Variants in MBD2 observed in about 807,000 individuals in gnomAD.
The protein encoded by MBD2 is methyl-CpG-binding domain protein 2.
Under a neutral mutation model 39.3 loss-of-function variants are expected in MBD2, and 9 were observed. The observed-to-expected ratio is 0.23, with a 90% CI of 0.14 to 0.40. The LOEUF (loss-of-function observed/expected upper bound fraction) is 0.40. MBD2 is among the 10% of genes least tolerant of loss of function. The probability of loss-of-function intolerance (pLI) is 1.00; values close to 1 mark genes in which losing one functional copy is unlikely to be tolerated. For synonymous variants in MBD2, 233 were observed against 211.1 expected, an observed-to-expected ratio of 1.10 and a Z score of -0.90; for missense variants, 458 against 532.6, an observed-to-expected ratio of 0.86 and a Z score of 1.38.
intron 3 of MBD2, among the ~76,000 whole-genome samples, chr18:54,179,972 T>C (rs1272142988): frequency 8.5e-6 from 1 of 117,944 alleles, no homozygotes; most frequent in Non-Finnish European, 1.8e-5. Context: ...ACAGATGACA[T>C]GTTTATTCAC....
intron 2 of MBD2, among the ~76,000 whole-genome samples, chr18:54,197,627 G>A (rs1006518720): frequency 1.3e-5 from 2 of 152,074 alleles, no homozygotes; most frequent in Admixed American, 6.6e-5. Context: ...TCACCCTTTA[G>A]TACTCTTTTT....
intron 1 of MBD2, among the ~76,000 whole-genome samples, chr18:54,220,522 C>T (rs1353650554): frequency 1.3e-5 from 2 of 152,230 alleles, no homozygotes; most frequent in South Asian, 2.1e-4. Context: ...GTGCCTGCCA[C>T]ACCCTACATT....
At chr18:54,217,761 A>G (rs1003265701) in intron 1 of MBD2, among the ~76,000 whole-genome samples, 1 of 152,212 alleles carries the variant, frequency 6.6e-6, no homozygotes, top group African/African-American at 2.4e-5. Flanking sequence ...GTTGGAGATT[A>G]TTTTTAGAAT....
At chr18:54,155,758 C>T (rs929722616) in intron 6 of MBD2, among the ~76,000 whole-genome samples, 4 of 152,280 alleles carry the variant, frequency 2.6e-5, no homozygotes, top group African/African-American at 9.6e-5. Context: ...TTACAGATGA[C>T]ACGTATGCAT....
At chr18:54,210,993 T>C (rs1177544797) in intron 1 of MBD2, among the ~76,000 whole-genome samples, 7 of 143,864 alleles carry the variant, frequency 4.9e-5, no homozygotes, top group African/African-American at 1.8e-4. Flanking sequence ...TGCCTCAGCC[T>C]CCCAAGTAGC....
chr18:54,208,044 C>T lies in MBD2; in HGVS notation c.543-2887G>A, dbSNP rs1256110607. 2.6e-5 allele frequency among the ~76,000 whole-genome samples: 4 copies of T among 151,440 alleles called. No individual in the cohort carries two copies. The East Asian group carries it at 7.8e-4, about 30-fold the overall frequency. On this transcript the variant is annotated intron_variant, in intron 1 of 6. Transcript: ENST00000256429. ...CAGATCGAGAGTCTGTCTCAAAAAA[C>T]AACAACAAAAAACAACAACAACAAC...
intron 3 of MBD2, among the ~76,000 whole-genome samples, 196 bp from the exon 4 acceptor site, chr18:54,166,362 CA>C: frequency 6.6e-6 from 1 of 152,172 alleles, no homozygotes; most frequent in South Asian, 2.1e-4. Context: ...TGGCATTGCT[CA>C]AAAAAGGTTG....
intron 2 of MBD2, among the ~76,000 whole-genome samples, chr18:54,195,421 C>T (rs1168446846): frequency 6.6e-6 from 1 of 151,944 alleles, no homozygotes; most frequent in Non-Finnish European, 1.5e-5. Flanking sequence ...ACTGACAATT[C>T]CAAGTATTAT....
At chr18:54,190,559 T>C (rs2086313700) in intron 2 of MBD2, among the ~76,000 whole-genome samples, 1 of 152,248 alleles carries the variant, frequency 6.6e-6, no homozygotes, top group South Asian at 2.1e-4. Context: ...TATTAATCTT[T>C]CTTAAATGTG....
At chr18:54,172,088 C>T (rs2219626) in intron 3 of MBD2, among the ~76,000 whole-genome samples, 1 of 152,138 alleles carries the variant, frequency 6.6e-6, no homozygotes, top group Non-Finnish European at 1.5e-5. Flanking sequence ...CATTTAACTC[C>T]TAAGTAATAG....
intron 1 of MBD2, among the ~76,000 whole-genome samples, chr18:54,214,164 T>C (rs899066332): frequency 5.3e-5 from 8 of 151,520 alleles, no homozygotes; most frequent in Non-Finnish European, 7.4e-5. Context: ...ACTATACATA[T>C]ATATATATTT....
rs56174434 is a variant in MBD2, at chr18:54,168,572, CATATATAT to C, written c.841-2414_841-2407del. On this transcript the variant is annotated intron_variant, in intron 3 of 6. Coordinates refer to ENST00000256429, the MANE Select transcript of MBD2 (RefSeq NM_003927.5). The stretch of plus-strand genomic sequence containing the variant: ...TTGTTATGCCATGAAAATGGAGATA[CATATATAT>C]ATATATATATATATATATTTATGTA... Among the ~76,000 whole-genome samples, 111 of 114,892 alleles carry C rather than the reference CATATATAT, an allele frequency of 9.7e-4. 4 individuals carry two copies. The highest frequency in any genetic ancestry group is 1.5e-3 in the Non-Finnish European group (87 of 56,260). The allele number at this position is 114,892 out of a possible 152,430, so 75.4% of individuals were successfully genotyped here.
chr18:54,223,226 G>C (rs1390039842), intron 1 of MBD2, among the ~76,000 whole-genome samples: 2 of 152,220 alleles, frequency 1.3e-5, no homozygotes, highest in Non-Finnish European at 2.9e-5. Context: ...GGGATTGCAA[G>C]ATTACACTAA....
chr18:54,203,228 G>T, intron 2 of MBD2: 1 of 1,207,974 alleles, frequency 8.3e-7, no homozygotes, highest in Non-Finnish European at 1.1e-6. Context: ...TCTGGTAACA[G>T]TACAGTAATC....
chr18:54,188,199 G>A (rs1205479852), intron 3 of MBD2, among the ~76,000 whole-genome samples: 2 of 152,104 alleles, frequency 1.3e-5, no homozygotes, highest in Non-Finnish European at 2.9e-5. Flanking sequence ...CCACAATTAG[G>A]GAGTGAATAA....
Position 54,224,280 on chromosome 18 carries a change from G to A in MBD2, c.280C>T (p.Arg94Cys), listed in dbSNP as rs997172337. The change falls in exon 1 of 7, where the codon CGC (arginine) becomes TGC (cysteine). Residue 94 changes from arginine to cysteine, a missense_variant. Arg to Cys is a radical substitution (Grantham distance 180). Transcript: ENST00000256429. Reference sequence around the variant, plus strand: ...CTGCCGCCACTCGGGGGACGGCCGCGGCCCCGGCCCCGGCCCCGTCCCCGT... The same window carrying A: ...CTGCCGCCACTCGGGGGACGGCCGCAGCCCCGGCCCCGGCCCCGTCCCCGT... ...RGRGRGRGRG[R>C]GRPPSGGSGL... 4.5e-5 allele frequency: 42 copies of A among 929,224 alleles called. No individual in the cohort carries two copies. Among genetic ancestry groups the A allele is most frequent in the Non-Finnish European group, 4.9e-5 (38 of 782,268 alleles). 57.6% of individuals were successfully genotyped at this position (929,224 alleles called of 1,614,324 possible).
chr18:54,164,085 T>C (rs1366923747), intron 5 of MBD2, among the ~76,000 whole-genome samples: 1 of 151,998 alleles, frequency 6.6e-6, no homozygotes, highest in African/African-American at 2.4e-5. Flanking sequence ...GGGGTCTCAC[T>C]GTGTTGCCCA....
In MBD2 at chr18:54,224,278, G is replaced by GCGGCGC; in HGVS notation, c.281_282insGCGCCG (p.Arg94_Gly95insArgArg). 1.1e-6 allele frequency: 1 copy of GCGGCGC among 942,260 alleles called. No homozygotes were observed. Among genetic ancestry groups the GCGGCGC allele is most frequent in the African/African-American group, 1.8e-5 (1 of 55,054 alleles). 58.4% of individuals were successfully genotyped at this position (942,260 alleles called of 1,614,324 possible). A position where few individuals can be genotyped will look rare whatever the true frequency, so the allele number is the denominator to read the frequency against. ...CGCTGCCGCCACTCGGGGGACGGCC[G>GCGGCGC]CGGCCCCGGCCCCGGCCCCGTCCCC... On this transcript the variant is annotated inframe_insertion, in exon 1 of 7. Transcript: ENST00000256429.
Position 54,224,170 on chromosome 18 carries a change from C to T in MBD2, c.390G>A (p.Pro130=), listed in dbSNP as rs1407615954. The part of the protein sequence containing the change: ...GAPRREPVPF[P]SGSAGPGPRG... Reference sequence around the variant, plus strand: ...TGGGCCCCGGCCCCGCGCTCCCCGACGGGAAAGGGACCGGCTCCCGCCGGG... The same window carrying T: ...TGGGCCCCGGCCCCGCGCTCCCCGATGGGAAAGGGACCGGCTCCCGCCGGG... The change falls in exon 1 of 7, where the codon CCG becomes CCA. Residue 130 remains proline, a synonymous_variant. Transcript: ENST00000256429. The T allele has an allele frequency of 7.1e-7, 1 of 1,407,320 alleles. No individual in the cohort carries two copies. The highest frequency in any genetic ancestry group is 1.5e-5 in the South Asian group (1 of 65,902). The allele number at this position is 1,407,320 out of a possible 1,614,324, so 87.2% of individuals were successfully genotyped here. A position where few individuals can be genotyped will look rare whatever the true frequency, so the allele number is the denominator to read the frequency against.
Sources: allele counts gnomAD v4.1 joint callset (sites outside exome capture counted in the v4.1 genomes callset), GRCh38; gene constraint gnomAD v4.1.1; transcripts MANE v1.5; gene names NCBI Gene and HGNC (gene_info 2026-07-23, HGNC 2026-07-21).